The following DHDDS variants were observed in gnomAD, a reference collection of about 807,000 sequenced individuals.
DHDDS encodes the protein dehydrodolichyl diphosphate synthase subunit, also known as dehydrodolichyl diphosphate synthase complex subunit DHDDS.
Under a neutral mutation model 46.2 loss-of-function variants are expected in DHDDS, and 16 were observed. The ratio of observed to expected loss-of-function variants is 0.35; its 90% CI spans 0.23 to 0.53. DHDDS has a LOEUF of 0.53. Among genes scored for constraint, DHDDS ranks in the 20% least tolerant of loss-of-function variants. DHDDS has a pLI of 0.94. For synonymous variants in DHDDS, 151 were observed against 163.1 expected (o/e 0.93, Z 0.56); for missense variants, 340 against 423.7 (o/e 0.80, Z 1.73).
chr1:26,469,040 C>G lies in DHDDS; in HGVS notation c.911C>G (p.Ala304Gly). The G allele has an allele frequency of 6.2e-7, 1 of 1,614,022 alleles. No individual in the cohort carries two copies. Among genetic ancestry groups the G allele is most frequent in the Non-Finnish European group, 8.5e-7 (1 of 1,180,046 alleles). ...AGGACACGCTTGCACAAACTCTCGG[C>G]CAGACGGGAAGAGCGAGTCCAAGGC... ...LRRTRLHKLS[A>G]RREERVQGFL... The change falls in exon 9 of 9, where the codon GCC becomes GGC. Residue 304 changes from alanine (A) to glycine (G), a missense_variant. Coordinates refer to ENST00000236342, the MANE Select transcript of DHDDS (RefSeq NM_205861.3).
intron 3 of DHDDS, among the ~76,000 whole-genome samples, chr1:26,442,392 G>A (rs1352742575): frequency 6.6e-6 from 1 of 152,164 alleles, no homozygotes; most frequent in African/African-American, 2.4e-5. Context: ...CTTCAACCTA[G>A]AGAAATTAAA....
intron 7 of DHDDS, among the ~76,000 whole-genome samples, chr1:26,458,617 A>G (rs549328904): frequency 6.6e-6 from 1 of 151,970 alleles, no homozygotes; most frequent in South Asian, 2.1e-4. Flanking sequence ...AGGTGCCTGT[A>G]GTCCCAGCTA....
chr1:26,439,870 G>A (rs1452897856), intron 3 of DHDDS, among the ~76,000 whole-genome samples: 1 of 152,262 alleles, frequency 6.6e-6, no homozygotes, highest in Non-Finnish European at 1.5e-5. Flanking sequence ...GCCGGGCGCG[G>A]TGGCTTACGC....
intron 2 of DHDDS, among the ~76,000 whole-genome samples, chr1:26,437,248 G>A (rs2075169006): frequency 6.6e-6 from 1 of 152,124 alleles, no homozygotes; most frequent in Non-Finnish European, 1.5e-5. Flanking sequence ...CCTGTAAAAT[G>A]AAGATAATAC....
intron 4 of DHDDS, among the ~76,000 whole-genome samples, chr1:26,443,281 G>C (rs939034292): frequency 6.6e-6 from 1 of 152,082 alleles, no homozygotes; most frequent in South Asian, 2.1e-4. Context: ...AATTCTATCA[G>C]ATTTCTACCC....
chr1:26,456,570 T>C (rs1314388703), intron 6 of DHDDS, among the ~76,000 whole-genome samples: 1 of 152,000 alleles, frequency 6.6e-6, no homozygotes, highest in Non-Finnish European at 1.5e-5. Flanking sequence ...TTTTTGTACT[T>C]TTGGTAGAGA....
chr1:26,458,475 C>T (rs1193470745), intron 7 of DHDDS, among the ~76,000 whole-genome samples: 1 of 152,144 alleles, frequency 6.6e-6, no homozygotes, highest in Non-Finnish European at 1.5e-5. Flanking sequence ...TGGTGGCTCA[C>T]GCCTGTAATC....
At chr1:26,467,475 T>C (rs1310441469) in intron 8 of DHDDS, 1 of 386,448 alleles carries the variant, frequency 2.6e-6, no homozygotes, top group Admixed American at 3.0e-5. Context: ...TCCAGAATTC[T>C]CATTTGTCAT....
At chr1:26,466,663 C>T (rs149378178) in intron 8 of DHDDS, among the ~76,000 whole-genome samples, 15 of 152,330 alleles carry the variant, frequency 9.8e-5, no homozygotes, top group African/African-American at 3.6e-4. Flanking sequence ...AAGAAGCTTG[C>T]GCCTCATGAA....
chr1:26,468,744 C>G, intron 8 of DHDDS, 151 bp from the exon 9 acceptor site: 1 of 1,081,990 alleles, frequency 9.2e-7, no homozygotes, highest in Non-Finnish European at 1.3e-6. Flanking sequence ...CACTGCATAC[C>G]TACTCCCAAG....
In DHDDS at chr1:26,457,924, C is replaced by T. The variant is rs2075386797; in HGVS notation, c.657+19C>T. 1 of 1,598,148 alleles carries T rather than the reference C, an allele frequency of 6.3e-7. No individual in the cohort carries two copies. On this transcript the variant is annotated intron_variant, in intron 7 of 8. Transcript: ENST00000236342. ...ATGGCAGGTAGGTCATTTCCAAGTA[C>T]TATTATGTTTGTGTCATGGGGAAAC... is the stretch of plus-strand genomic sequence containing the variant.
Sources: gnomAD v4.1 joint callset for allele counts (sites outside exome capture counted in the v4.1 genomes callset) on GRCh38, gnomAD v4.1.1 for gene constraint, MANE v1.5 for transcripts, NCBI Gene and HGNC (gene_info 2026-07-23, HGNC 2026-07-21) for gene names.